STX6: variants seen among roughly 807,000 people sequenced by gnomAD.
STX6 encodes the protein syntaxin 6.
Under a neutral mutation model 38.0 loss-of-function variants are expected in STX6, and 23 were observed. The ratio of observed to expected loss-of-function variants is 0.60; its 90% CI spans 0.43 to 0.86. The LOEUF (loss-of-function observed/expected upper bound fraction) is 0.86, where lower values mean the gene tolerates loss of function less well. Among genes scored for constraint, STX6 ranks in the 40% least tolerant of loss-of-function variants. The pLI is 0.00. For synonymous variants in STX6, 123 were observed against 107.5 expected (o/e 1.14, Z -0.89); for missense variants, 274 against 312.9 (o/e 0.88, Z 0.94).
At chr1:180,978,557 T>A (rs114669841) in intron 7 of STX6, among the ~76,000 whole-genome samples, 1,565 of 152,132 alleles carry the variant, frequency 0.01, 27 homozygotes, top group African/African-American at 0.036. Context: ...TTGGGAAAAA[T>A]CCCCTCATGC....
chr1:181,022,542 A>C (rs1571362055), intron 1 of STX6, 97 bp downstream of exon 1: 1 of 1,322,646 alleles, frequency 7.6e-7, no homozygotes, highest in Middle Eastern at 1.8e-4. Flanking sequence ...CCCAGCTCCA[A>C]CTTGCCTCCC....
rs116050715 is a variant in STX6, at chr1:181,021,132, G to A, written c.35+1507C>T. ...TACCATCAAGAAAAAAAAATGCCAA[G>A]ACAGAAGAATTTAGGCTTTTGACAA... On this transcript the variant is annotated intron_variant, in intron 1 of 7. Coordinates refer to ENST00000258301, the MANE Select transcript of STX6 (RefSeq NM_005819.6). Among the ~76,000 whole-genome samples, 1,416 of 152,160 alleles carry A rather than the reference G, an allele frequency of 9.3e-3. 20 individuals carry two copies. Among genetic ancestry groups the A allele is most frequent in the African/African-American group, 0.033 (1,359 of 41,516 alleles).
At chr1:180,979,548 T>A (rs922893657) in intron 7 of STX6, among the ~76,000 whole-genome samples, 1 of 152,210 alleles carries the variant, frequency 6.6e-6, no homozygotes. Flanking sequence ...ACTCAAAATG[T>A]ATCCACAGAC....
At chr1:181,010,310 T>C (rs528256049) in intron 1 of STX6, among the ~76,000 whole-genome samples, 233 of 152,276 alleles carry the variant, frequency 1.5e-3, no homozygotes, top group African/African-American at 5.1e-3. Flanking sequence ...TGAAGAATAT[T>C]CTTTTTTTTG....
chr1:181,018,787 A>G (rs1310891033), intron 1 of STX6, among the ~76,000 whole-genome samples: 2 of 152,148 alleles, frequency 1.3e-5, no homozygotes, highest in East Asian at 3.8e-4. Context: ...ATCCAACACT[A>G]CCACCAAATC....
At chr1:180,988,407 C>T (rs1655654286) in intron 5 of STX6, 62 bp from the exon 6 acceptor site, 8 of 1,318,342 alleles carry the variant, frequency 6.1e-6, no homozygotes, top group Non-Finnish European at 8.7e-6. Flanking sequence ...CCAAGCCCAG[C>T]ACTCTAGCAG....
At chr1:180,998,684 T>C (rs1655986584) in intron 3 of STX6, among the ~76,000 whole-genome samples, 1 of 152,222 alleles carries the variant, frequency 6.6e-6, no homozygotes, top group African/African-American at 2.4e-5. Flanking sequence ...CCCCGCCAGC[T>C]TTCACTTCTA....
At chr1:181,002,191 T>C (rs12411105) in intron 3 of STX6, among the ~76,000 whole-genome samples, 43,666 of 151,994 alleles carry the variant, frequency 0.29, 7,150 homozygotes, top group Non-Finnish European at 0.36. Context: ...GGAAATTTTT[T>C]TTTTTTTTTA....
intron 1 of STX6, among the ~76,000 whole-genome samples, chr1:181,019,969 T>C (rs2102337161): frequency 6.6e-6 from 1 of 152,288 alleles, no homozygotes; most frequent in South Asian, 2.1e-4. Context: ...GAGACCATCC[T>C]GGCTAACATG....
intron 1 of STX6, among the ~76,000 whole-genome samples, chr1:181,018,092 G>A (rs1011716860): frequency 2.6e-5 from 4 of 151,928 alleles, no homozygotes; most frequent in Admixed American, 6.6e-5. Flanking sequence ...AGATGAAAAC[G>A]TCATAAAACA....
intron 7 of STX6, among the ~76,000 whole-genome samples, chr1:180,979,131 C>A (rs1182521461): frequency 1.3e-5 from 2 of 151,878 alleles, no homozygotes; most frequent in Non-Finnish European, 1.5e-5. Flanking sequence ...AAATAGAGAT[C>A]AAAAAGACTA....
intron 7 of STX6, among the ~76,000 whole-genome samples, chr1:180,978,826 C>T (rs1322518482): frequency 1.3e-5 from 2 of 152,142 alleles, no homozygotes; most frequent in African/African-American, 2.4e-5. Flanking sequence ...TGCCACCCCC[C>T]GGCCTCACCA....
At chr1:181,012,679 T>TC (rs1286817072) in intron 1 of STX6, among the ~76,000 whole-genome samples, 1 of 150,712 alleles carries the variant, frequency 6.6e-6, no homozygotes, top group Non-Finnish European at 1.5e-5. Context: ...ATTCTTTTTT[T>TC]TTTTTTTTTT....
chr1:180,998,579 C>T (rs1186322464), intron 3 of STX6, among the ~76,000 whole-genome samples: 1 of 152,008 alleles, frequency 6.6e-6, no homozygotes, highest in Non-Finnish European at 1.5e-5. Context: ...CAGAGTTTCA[C>T]CATGTTGGCC....
In STX6 at chr1:180,972,940, G is replaced by C. The variant is rs1173750874; in HGVS notation, c.*3630C>G. The C allele has an allele frequency of 4.2e-6, 1 of 238,568 alleles. No homozygotes were observed. 14.8% of individuals were successfully genotyped at this position (238,568 alleles called of 1,614,324 possible). On this transcript the variant is annotated 3_prime_UTR_variant, in exon 8 of 8. Coordinates refer to ENST00000258301, the MANE Select transcript of STX6 (RefSeq NM_005819.6). Reference sequence around the variant, plus strand: ...CCTATTAGAAGCAAAGGCCCTGGGAGGAGTAAGGCCTGTCACTGGGGCAGG... The same window carrying C: ...CCTATTAGAAGCAAAGGCCCTGGGACGAGTAAGGCCTGTCACTGGGGCAGG...
chr1:181,001,762 G>A (rs923607375), intron 3 of STX6, among the ~76,000 whole-genome samples: 4 of 152,244 alleles, frequency 2.6e-5, no homozygotes, highest in African/African-American at 4.8e-5. Context: ...AATAAAAAGT[G>A]AGAAAGATAA....
intron 1 of STX6, among the ~76,000 whole-genome samples, chr1:181,017,849 T>C (rs958085177): frequency 6.6e-6 from 1 of 152,170 alleles, no homozygotes; most frequent in Non-Finnish European, 1.5e-5. Context: ...CGTGGTAGTA[T>C]GCATCAAACG....
chr1:181,002,544 A>C, intron 3 of STX6, 62 bp downstream of exon 3: 5 of 1,186,472 alleles, frequency 4.2e-6, no homozygotes, highest in Non-Finnish European at 4.9e-6. Flanking sequence ...AATTAAGGGA[A>C]AGAGCTCTAA....
chr1:181,000,217 G>A (rs1026190973), intron 3 of STX6, among the ~76,000 whole-genome samples: 3 of 152,120 alleles, frequency 2.0e-5, no homozygotes, highest in African/African-American at 7.2e-5. Context: ...AACTCTAAAA[G>A]GACAGTAAGA....
Sources: allele counts gnomAD v4.1 joint callset (sites outside exome capture counted in the v4.1 genomes callset), GRCh38; gene constraint gnomAD v4.1.1; transcripts MANE v1.5; gene names NCBI Gene and HGNC (gene_info 2026-07-23, HGNC 2026-07-21).